The following DYM variants were observed in gnomAD, a reference collection of about 807,000 sequenced individuals.
DYM encodes the protein dymeclin.
A neutral mutation model predicts 93.1 loss-of-function variants in DYM; 78 were observed. That is an observed-to-expected ratio of 0.84 (90% CI 0.70 to 1.01). DYM has a LOEUF of 1.01. DYM is among the 50% of genes least tolerant of loss of function. The pLI is 0.00. For synonymous variants in DYM, 321 were observed against 319.7 expected (o/e 1.00, Z -0.04); for missense variants, 789 against 845.0 (o/e 0.93, Z 0.82).
chr18:49,132,830 T>A (rs1275903868), intron 15 of DYM, among the ~76,000 whole-genome samples: 1 of 152,094 alleles, frequency 6.6e-6, no homozygotes, highest in East Asian at 1.9e-4. Context: ...AAAAAAGTCA[T>A]GATCATCTTA....
chr18:49,460,376 G>A (rs1475377787), intron 1 of DYM, 22 bp downstream of exon 1: 1 of 152,138 alleles, frequency 6.6e-6, no homozygotes, highest in African/African-American at 2.4e-5. Context: ...GCCGCGCTGA[G>A]GGGGGCGGCG....
At chr18:49,173,853 C>A (rs1387186431) in intron 14 of DYM, among the ~76,000 whole-genome samples, 3 of 152,002 alleles carry the variant, frequency 2.0e-5, no homozygotes, top group Admixed American at 6.6e-5. Context: ...ATTTCTGTTT[C>A]TTGACTTATG....
At chr18:49,137,974 T>G (rs2084034301) in intron 15 of DYM, among the ~76,000 whole-genome samples, 1 of 152,172 alleles carries the variant, frequency 6.6e-6, no homozygotes, top group Non-Finnish European at 1.5e-5. Context: ...GGGAGTTAGG[T>G]GAACAAGAAA....
chr18:49,110,111 A>G (rs1270245002), intron 16 of DYM, among the ~76,000 whole-genome samples: 1 of 152,250 alleles, frequency 6.6e-6, no homozygotes, highest in Non-Finnish European at 1.5e-5. Context: ...GTTTACACAT[A>G]GTCTATGGCT....
intron 1 of DYM, among the ~76,000 whole-genome samples, chr18:49,440,180 T>C (rs1307324698): frequency 2.1e-5 from 3 of 144,248 alleles, no homozygotes; most frequent in Non-Finnish European, 3.0e-5. Flanking sequence ...TAAACATTAG[T>C]GGATCTGAAA....
intron 11 of DYM, among the ~76,000 whole-genome samples, chr18:49,267,440 C>T (rs1027785799): frequency 3.9e-5 from 6 of 152,142 alleles, no homozygotes; most frequent in Non-Finnish European, 7.3e-5. Context: ...GTATAATTCA[C>T]ATTAACAAAC....
At chr18:49,316,451 G>T in intron 8 of DYM, among the ~76,000 whole-genome samples, 1 of 152,004 alleles carries the variant, frequency 6.6e-6, no homozygotes, top group Non-Finnish European at 1.5e-5. Flanking sequence ...CCAAATTATA[G>T]AAGAAAAACA....
chr18:49,147,316 C>G, intron 15 of DYM, among the ~76,000 whole-genome samples: 1 of 149,946 alleles, frequency 6.7e-6, no homozygotes, highest in Admixed American at 6.6e-5. Context: ...ACACCAAAAG[C>G]AATGGCAACA....
chr18:49,114,691 T>G, intron 16 of DYM: 1 of 437,248 alleles, frequency 2.3e-6, no homozygotes, highest in Non-Finnish European at 3.0e-6. Flanking sequence ...GTGTGTGTGT[T>G]TAAGAGATGG....
At chr18:49,199,599 G>A (rs2091835367) in intron 14 of DYM, among the ~76,000 whole-genome samples, 1 of 152,176 alleles carries the variant, frequency 6.6e-6, no homozygotes, top group African/African-American at 2.4e-5. Flanking sequence ...TTCATTTCAT[G>A]CCACAGAAGT....
chr18:49,081,546 AGGGG>A, intron 17 of DYM, among the ~76,000 whole-genome samples: 1 of 40,246 alleles, frequency 2.5e-5, no homozygotes, highest in African/African-American at 1.0e-4. Flanking sequence ...GAGAGGGGAG[AGGGG>A]AGAGGGGAGA....
intron 13 of DYM, among the ~76,000 whole-genome samples, chr18:49,240,700 T>C (rs960915638): frequency 6.6e-6 from 1 of 152,202 alleles, no homozygotes; most frequent in African/African-American, 2.4e-5. Context: ...CTGTCTCATG[T>C]TCTTTCGTGT....
chr18:49,111,427 T>A (rs1002549882), intron 16 of DYM, among the ~76,000 whole-genome samples: 1 of 152,174 alleles, frequency 6.6e-6, no homozygotes, highest in Admixed American at 6.5e-5. Context: ...TTTTTATGTC[T>A]CATAATGCTT....
chr18:49,227,895 C>T (rs556033679), intron 13 of DYM, among the ~76,000 whole-genome samples: 26 of 152,230 alleles, frequency 1.7e-4, no homozygotes, highest in Admixed American at 7.8e-4. Flanking sequence ...CTTCAATCTC[C>T]GTATCCTCTG....
chr18:49,071,245 T>C lies in DYM; in HGVS notation c.2025+26157A>G, dbSNP rs1450654365. On this transcript the variant is annotated intron_variant, in intron 17 of 17. Transcript: ENST00000675505. ...ACAAGAACTAGGCACATGATTTGAA[T>C]GCTTTCATTAGTGAAATCCCTCTGA... 2.0e-5 allele frequency among the ~76,000 whole-genome samples: 3 copies of C among 152,254 alleles called. No individual in the cohort carries two copies. In the East Asian group the frequency reaches 5.8e-4, roughly 29 times the overall value.
intron 14 of DYM, among the ~76,000 whole-genome samples, chr18:49,187,508 A>G (rs2090562860): frequency 6.6e-6 from 1 of 152,220 alleles, no homozygotes. Context: ...TTGTACATTA[A>G]ACAAGACAAT....
intron 13 of DYM, among the ~76,000 whole-genome samples, chr18:49,217,004 G>C (rs1420533032): frequency 6.6e-6 from 1 of 152,078 alleles, no homozygotes; most frequent in Admixed American, 6.6e-5. Context: ...TAAATACTTC[G>C]AAAAAAATTT....
At chr18:49,324,169 A>AAAAAC (rs2062722322) in intron 8 of DYM, among the ~76,000 whole-genome samples, 1 of 145,220 alleles carries the variant, frequency 6.9e-6, no homozygotes, top group Non-Finnish European at 1.5e-5. Context: ...AAAAAAAAAA[A>AAAAAC]TCTTTAACAC....
chr18:49,113,936 T>C (rs944513166), intron 16 of DYM, among the ~76,000 whole-genome samples: 2 of 152,218 alleles, frequency 1.3e-5, no homozygotes, highest in East Asian at 3.8e-4. Context: ...TCCAAGTGAA[T>C]GCTGAAAACA....
Sources: allele counts gnomAD v4.1 joint callset (sites outside exome capture counted in the v4.1 genomes callset), GRCh38; gene constraint gnomAD v4.1.1; transcripts MANE v1.5; gene names NCBI Gene and HGNC (gene_info 2026-07-23, HGNC 2026-07-21).